NRXN3: variants seen among roughly 807,000 people sequenced by gnomAD.
The protein encoded by NRXN3 is neurexin III.
Under a neutral mutation model 137.6 loss-of-function variants are expected in NRXN3, and 32 were observed. That is an observed-to-expected ratio of 0.23 (90% CI 0.18 to 0.31). NRXN3 has a LOEUF of 0.31. Among genes scored for constraint, NRXN3 ranks in the 10% least tolerant of loss-of-function variants. The probability of loss-of-function intolerance (pLI) is 1.00; values close to 1 mark genes in which losing one functional copy is unlikely to be tolerated. For synonymous variants in NRXN3, 798 were observed against 784.5 expected (o/e 1.02, Z -0.29); for missense variants, 1,574 against 2,062.5 (o/e 0.76, Z 4.59).
At chr14:78,327,722 A>G (rs747965426) in intron 4 of NRXN3, among the ~76,000 whole-genome samples, 1 of 152,164 alleles carries the variant, frequency 6.6e-6, no homozygotes, top group Non-Finnish European at 1.5e-5. Flanking sequence ...TGGAGCTTCC[A>G]TTTCAGAGGA....
intron 4 of NRXN3, among the ~76,000 whole-genome samples, chr14:78,385,432 A>C (rs2089825157): frequency 6.6e-6 from 1 of 152,220 alleles, no homozygotes; most frequent in Non-Finnish European, 1.5e-5. Flanking sequence ...AGTCAGCACA[A>C]AAAATTGAAA....
chr14:79,630,843 C>T (rs904720206), intron 16 of NRXN3, among the ~76,000 whole-genome samples: 2 of 152,196 alleles, frequency 1.3e-5, no homozygotes, highest in Non-Finnish European at 2.9e-5. Context: ...TTATCTCTTC[C>T]TATTGCAATC....
At chr14:79,021,975 C>A (rs1595023808) in intron 15 of NRXN3, among the ~76,000 whole-genome samples, 1 of 152,272 alleles carries the variant, frequency 6.6e-6, no homozygotes, top group East Asian at 1.9e-4. Flanking sequence ...TGGTGCATGA[C>A]CTGCAGCTGT....
chr14:78,966,098 C>T lies in NRXN3; in HGVS notation c.2469C>T (p.Tyr823=). The T allele has an allele frequency of 6.2e-7, 1 of 1,614,180 alleles. No homozygotes were observed. The highest frequency in any genetic ancestry group is 8.5e-7 in the Non-Finnish European group (1 of 1,180,018). Residue 823 remains tyrosine, a synonymous_variant, in exon 12 of 21, where the codon TAC becomes TAT. Coordinates refer to ENST00000335750, the MANE Select transcript of NRXN3 (RefSeq NM_001330195.2). The part of the protein sequence containing the change: ...IETGIMTEKR[Y]ISVVPSSFIG... ...CGGGAATCATGACTGAGAAACGCTACATCTCCGTTGTCCCCTCCAGCTTTA... is the reference window on the plus strand; with the variant it reads ...CGGGAATCATGACTGAGAAACGCTATATCTCCGTTGTCCCCTCCAGCTTTA...
intron 10 of NRXN3, among the ~76,000 whole-genome samples, chr14:78,940,737 C>A (rs1363098901): frequency 6.6e-6 from 1 of 152,134 alleles, no homozygotes; most frequent in Non-Finnish European, 1.5e-5. Context: ...TGAACGTTTT[C>A]CCCCAACTAC....
intron 4 of NRXN3, 109 bp downstream of exon 4, chr14:78,297,969 T>C: frequency 7.7e-7 from 1 of 1,306,372 alleles, no homozygotes; most frequent in Non-Finnish European, 1.1e-6. Flanking sequence ...CTGCCTGTCC[T>C]TCCTGCGCTG....
chr14:78,201,512 C>T (rs1301811494), intron 1 of NRXN3, among the ~76,000 whole-genome samples: 2 of 152,172 alleles, frequency 1.3e-5, no homozygotes, highest in Non-Finnish European at 2.9e-5. Context: ...TGGCCGTAGA[C>T]ACTGTTCAGG....
At chr14:79,289,829 A>T (rs995375781) in intron 15 of NRXN3, among the ~76,000 whole-genome samples, 4 of 152,032 alleles carry the variant, frequency 2.6e-5, no homozygotes, top group Non-Finnish European at 5.9e-5. Flanking sequence ...CTGTCTGTTC[A>T]CCTGTTGCTG....
chr14:79,833,497 C>G (rs2099329025), intron 20 of NRXN3, among the ~76,000 whole-genome samples: 1 of 151,964 alleles, frequency 6.6e-6, no homozygotes, highest in South Asian at 2.1e-4. Context: ...TAATGCTGTC[C>G]TCTTAAAATT....
rs145256384 is a variant in NRXN3, at chr14:79,190,837, C to T, written c.3262+202696C>T. Among the ~76,000 whole-genome samples the T allele has an allele frequency of 3.2e-4, 48 of 152,292 alleles. No individual in the cohort carries two copies. In the East Asian group the frequency reaches 8.9e-3, roughly 28 times the overall value. On this transcript the variant is annotated intron_variant, in intron 15 of 20. Transcript: ENST00000335750. ...ACTTGAAAACTGTTAAGAAGGAGAA[C>T]ATATAGGCATTATGAAAGAAACTAT...
At chr14:79,485,667 A>G (rs1272028387) in intron 16 of NRXN3, among the ~76,000 whole-genome samples, 3 of 150,992 alleles carry the variant, frequency 2.0e-5, no homozygotes, top group South Asian at 2.1e-4. Context: ...AGAATAGCAC[A>G]TCATATTCCA....
At chr14:78,587,439 A>G (rs2097076244) in intron 4 of NRXN3, among the ~76,000 whole-genome samples, 1 of 152,156 alleles carries the variant, frequency 6.6e-6, no homozygotes, top group African/African-American at 2.4e-5. Flanking sequence ...ACCCCTCTGA[A>G]ATCTAGTCTT....
intron 4 of NRXN3, among the ~76,000 whole-genome samples, chr14:78,615,975 A>G (rs1271348581): frequency 6.6e-6 from 1 of 152,046 alleles, no homozygotes. Flanking sequence ...AACAAAACAA[A>G]TCAACAAAAC....
At chr14:79,173,673 G>A (rs1596809611) in intron 15 of NRXN3, among the ~76,000 whole-genome samples, 1 of 152,044 alleles carries the variant, frequency 6.6e-6, no homozygotes, top group South Asian at 2.1e-4. Flanking sequence ...ACTGTGGCTT[G>A]GACAAATTAG....
chr14:79,533,195 A>C (rs779980570), intron 16 of NRXN3, among the ~76,000 whole-genome samples: 1 of 152,060 alleles, frequency 6.6e-6, no homozygotes, highest in Non-Finnish European at 1.5e-5. Context: ...TACAGATGAG[A>C]AAACTGAGAG....
intron 15 of NRXN3, among the ~76,000 whole-genome samples, chr14:79,407,030 A>G (rs2095327541): frequency 6.6e-6 from 1 of 152,144 alleles, no homozygotes; most frequent in African/African-American, 2.4e-5. Flanking sequence ...AATGTAGACG[A>G]TCAGGGATGC....
intron 17 of NRXN3, 100 bp from the exon 18 acceptor site, chr14:79,692,073 C>A (rs2098718906): frequency 2.5e-6 from 2 of 799,014 alleles, no homozygotes; most frequent in East Asian, 5.5e-5. Flanking sequence ...TGATATCTAT[C>A]TCTAAAAACT....
chr14:79,116,710 A>G (rs1042706093), intron 15 of NRXN3, among the ~76,000 whole-genome samples: 1 of 152,212 alleles, frequency 6.6e-6, no homozygotes, highest in Non-Finnish European at 1.5e-5. Flanking sequence ...TAGGGCAGTG[A>G]TGCCAGGAAG....
At chr14:79,351,128 T>A (rs1001328004) in intron 15 of NRXN3, among the ~76,000 whole-genome samples, 1 of 152,204 alleles carries the variant, frequency 6.6e-6, no homozygotes, top group Non-Finnish European at 1.5e-5. Flanking sequence ...AAGTATCAGA[T>A]TTCTCCGTCA....
Sources: allele counts gnomAD v4.1 joint callset (sites outside exome capture counted in the v4.1 genomes callset), GRCh38; gene constraint gnomAD v4.1.1; transcripts MANE v1.5; gene names NCBI Gene and HGNC (gene_info 2026-07-23, HGNC 2026-07-21).